Variants in IL16 observed in about 807,000 individuals in gnomAD.
IL16 encodes interleukin 16.
In IL16, 67 loss-of-function variants were observed where a neutral mutation model predicts 110.1. The ratio of observed to expected loss-of-function variants is 0.61; its 90% CI spans 0.50 to 0.75. IL16 has a LOEUF of 0.75. Ranked by LOEUF, IL16 falls within the 30% of genes least tolerant of loss-of-function variation. The pLI, the probability that IL16 is intolerant of heterozygous loss-of-function variation, is 0.00. For synonymous variants in IL16, 689 were observed against 662.9 expected (o/e 1.04, Z -0.61); for missense variants, 1,545 against 1,655.0 (o/e 0.93, Z 1.15).
intron 15 of IL16, among the ~76,000 whole-genome samples, chr15:81,302,482 TGA>T (rs925626402): frequency 2.0e-5 from 3 of 152,120 alleles, no homozygotes; most frequent in African/African-American, 4.8e-5. Context: ...GGGTAAAAGT[TGA>T]GAGAGTTGGG....
chr15:81,192,049 A>G (rs1028356644), upstream of IL16, among the ~76,000 whole-genome samples: 2 of 152,224 alleles, frequency 1.3e-5, no homozygotes, highest in Non-Finnish European at 2.9e-5. Flanking sequence ...TGGTAGATCC[A>G]TAACGCTATG....
At chr15:81,235,099 C>T (rs906381291) in intron 2 of IL16, among the ~76,000 whole-genome samples, 1 of 152,182 alleles carries the variant, frequency 6.6e-6, no homozygotes, top group Non-Finnish European at 1.5e-5. Context: ...TAAACAGCTA[C>T]CCTGGTACCT....
chr15:81,306,023 T>G lies in IL16; in HGVS notation c.3536T>G (p.Leu1179Trp), dbSNP rs1363622381. 1 of 1,614,238 alleles carries G rather than the reference T, an allele frequency of 6.2e-7. No individual in the cohort carries two copies. Among genetic ancestry groups the G allele is most frequent in the Middle Eastern group, 1.6e-4 (1 of 6,062 alleles). Residue 1179 changes from leucine to tryptophan, a missense_variant, in exon 17 of 19, where the codon TTG (leucine) becomes TGG (tryptophan). This residue lies in a region of IL16 where 356 missense variants were observed against 399.3 expected (regional missense o/e 0.89). Transcript: ENST00000683961. ...AAGGGGACCACGCACCATGATGCCTTGGCCATCCTCCGCCAAGCTCGAGAG... is the reference window on the plus strand; with the variant it reads ...AAGGGGACCACGCACCATGATGCCTGGGCCATCCTCCGCCAAGCTCGAGAG... ...SLKGTTHHDA[L>W]AILRQAREPR...
intron 1 of IL16, among the ~76,000 whole-genome samples, chr15:81,201,095 A>T (rs1490211976): frequency 1.4e-4 from 22 of 152,188 alleles, no homozygotes; most frequent in Admixed American, 1.4e-3. Flanking sequence ...TGGCAGGACA[A>T]TGCATCCCCT....
At position 81,282,975 on chromosome 15, in the gene IL16, G is replaced by T. The variant is rs1336755527; in HGVS notation, c.1199+219G>T. 2.0e-5 allele frequency among the ~76,000 whole-genome samples: 3 copies of T among 152,198 alleles called. No individual in the cohort carries two copies. In the East Asian group the frequency reaches 5.8e-4, roughly 29 times the overall value. On this transcript the variant is annotated intron_variant, in intron 9 of 18. Coordinates refer to ENST00000683961, the MANE Select transcript of IL16 (RefSeq NM_172217.5). Reference sequence around the variant, plus strand: ...CAGGACACTCTTGGGAGATGCATTTGCAATCTGGCTCAGAGGGAGGGAGTG... The same window carrying T: ...CAGGACACTCTTGGGAGATGCATTTTCAATCTGGCTCAGAGGGAGGGAGTG...
At chr15:81,272,211 G>A (rs139578745) in intron 5 of IL16, among the ~76,000 whole-genome samples, 21 of 152,352 alleles carry the variant, frequency 1.4e-4, no homozygotes, top group African/African-American at 4.6e-4. Context: ...CCTCTAGGGC[G>A]GCATGGGGTG....
At chr15:81,221,064 A>AGG (rs781492398) in intron 1 of IL16, among the ~76,000 whole-genome samples, 159 of 151,964 alleles carry the variant, frequency 1.0e-3, no homozygotes, top group Non-Finnish European at 1.3e-3. Context: ...GTCCTTACCC[A>AGG]AGATGTGATG....
chr15:81,270,425 G>A (rs1270851197), intron 5 of IL16, among the ~76,000 whole-genome samples: 1 of 151,902 alleles, frequency 6.6e-6, no homozygotes, highest in East Asian at 1.9e-4. Flanking sequence ...GCTACTTATG[G>A]TCTGTCCAGG....
intron 7 of IL16, 104 bp downstream of exon 7, chr15:81,278,994 C>A: frequency 1.3e-6 from 1 of 783,364 alleles, no homozygotes; most frequent in South Asian, 1.4e-5. Context: ...GAACCCTTCA[C>A]ATGAGGCACC....
At chr15:81,231,366 CTCTCTCTCTCTCT>C in intron 2 of IL16, among the ~76,000 whole-genome samples, 1 of 145,192 alleles carries the variant, frequency 6.9e-6, no homozygotes, top group African/African-American at 2.6e-5. Flanking sequence ...CTCTCTCTCT[CTCTCTCTCTCTCT>C]CTCCCTCTCT....
At chr15:81,219,491 C>A (rs1318155243) in intron 1 of IL16, among the ~76,000 whole-genome samples, 1 of 152,030 alleles carries the variant, frequency 6.6e-6, no homozygotes, top group South Asian at 2.1e-4. Flanking sequence ...AAATCCCTTT[C>A]CTGACTTATC....
intron 5 of IL16, among the ~76,000 whole-genome samples, chr15:81,270,031 A>G (rs1018089843): frequency 2.0e-5 from 3 of 152,214 alleles, no homozygotes; most frequent in Admixed American, 6.5e-5. Flanking sequence ...TTGGCATAAT[A>G]AAGCAGGGAC....
At chr15:81,247,077 T>A (rs1053748884) in intron 2 of IL16, among the ~76,000 whole-genome samples, 1 of 75,642 alleles carries the variant, frequency 1.3e-5, no homozygotes, top group African/African-American at 7.5e-5. Flanking sequence ...TTTCTTTTCC[T>A]TTTTTTTTTT....
chr15:81,221,138 C>G (rs973510382), intron 1 of IL16, among the ~76,000 whole-genome samples: 7 of 152,036 alleles, frequency 4.6e-5, no homozygotes, highest in African/African-American at 1.4e-4. Context: ...TACACTAGCT[C>G]TGTTGGGGAG....
chr15:81,191,575 G>A (rs1297667079), intron 1 of IL16, among the ~76,000 whole-genome samples: 2 of 152,166 alleles, frequency 1.3e-5, no homozygotes, highest in Admixed American at 1.3e-4. Flanking sequence ...CGGATGGGTG[G>A]TATGTAAGTA....
intron 1 of IL16, chr15:81,182,973 TC>T: frequency 1.1e-6 from 1 of 925,102 alleles, no homozygotes; most frequent in Non-Finnish European, 1.5e-6. Context: ...CCTGACATCC[TC>T]CCAGGGGAAT....
intron 6 of IL16, among the ~76,000 whole-genome samples, chr15:81,278,423 G>C (rs998441749): frequency 3.3e-5 from 5 of 152,234 alleles, no homozygotes; most frequent in African/African-American, 1.2e-4. Context: ...TGAGAAAATG[G>C]CATGGACAAG....
rs1208966330 is a variant in IL16 at position 81,282,691 on chromosome 15, C to T, written c.1134C>T (p.Cys378=). The change falls in exon 9 of 19, where the codon TGC becomes TGT. Residue 378 remains cysteine, a synonymous_variant. Coordinates refer to ENST00000683961, the MANE Select transcript of IL16 (RefSeq NM_172217.5). ...TGTGCAGCGTTCCCTACTTCCAATGCATCTCTGGCATTTTCGTCCACACGC... is the reference window on the plus strand; with the variant it reads ...TGTGCAGCGTTCCCTACTTCCAATGTATCTCTGGCATTTTCGTCCACACGC... ...IGLCSVPYFQ[C]ISGIFVHTLS... is the part of the protein sequence containing the mutation. 1 of 1,614,166 alleles carries T rather than the reference C, an allele frequency of 6.2e-7. No individual in the cohort carries two copies. Among genetic ancestry groups the T allele is most frequent in the South Asian group, 1.1e-5 (1 of 91,086 alleles).
At chr15:81,297,144 G>A (rs1900027618) in intron 13 of IL16, 66 bp downstream of exon 13, 2 of 1,513,328 alleles carry the variant, frequency 1.3e-6, no homozygotes, top group Admixed American at 1.9e-5. Context: ...GATAAGATAA[G>A]AGCACAAATT....
Sources: allele counts gnomAD v4.1 joint callset (sites outside exome capture counted in the v4.1 genomes callset), GRCh38; gene constraint gnomAD v4.1.1; regional missense constraint gnomAD v4.1.1; transcripts MANE v1.5; gene names NCBI Gene and HGNC (gene_info 2026-07-23, HGNC 2026-07-21).